The following ENO3 variants were observed in gnomAD, a reference collection of about 807,000 sequenced individuals.
ENO3 encodes enolase 3.
ENO3 carries 46 observed loss-of-function variants against 47.7 expected under a neutral mutation model. That is an observed-to-expected ratio of 0.96 (90% CI 0.76 to 1.23). ENO3 has a LOEUF of 1.23. ENO3 is among the 50% of genes most tolerant of loss of function. The pLI, the probability that ENO3 is intolerant of heterozygous loss-of-function variation, is 0.00. For missense variants in ENO3, 575 were observed against 566.2 expected (o/e 1.02, Z -0.16); for synonymous variants, 223 against 225.9 (o/e 0.99, Z 0.11).
rs1300311970 is a variant in ENO3, at chr17:4,951,812, ACCT to A, written c.-2-12_-2-10del. 11 of 1,613,512 alleles carry A rather than the reference ACCT, an allele frequency of 6.8e-6. No homozygotes were observed. Among genetic ancestry groups the A allele is most frequent in the Non-Finnish European group, 2.5e-6 (3 of 1,179,664 alleles). On this transcript the variant is annotated splice_polypyrimidine_tract_variant and intron_variant, in intron 1 of 11. Coordinates refer to ENST00000519602, the MANE Select transcript of ENO3 (RefSeq NM_053013.4). ...AGATCAACTGTCTACACTCACTCAC[ACCT>A]CCTGTCCTGCAGCCATGGCCATGCA...
Position 4,953,787 on chromosome 17 carries a change from C to T in ENO3, c.386C>T (p.Pro129Leu). The T allele has an allele frequency of 6.2e-7, 1 of 1,614,194 alleles. No individual in the cohort carries two copies. Among genetic ancestry groups the T allele is most frequent in the Non-Finnish European group, 8.5e-7 (1 of 1,180,026 alleles). Residue 129 changes from proline (P) to leucine (L), a missense_variant, in exon 6 of 12, where the codon CCC (proline) becomes CTC (leucine). Pro to Leu is a moderately conservative substitution (Grantham distance 98). Transcript: ENST00000519602. ...CKAGAAEKGV[P>L]LYRHIADLAG... Reference sequence around the variant, plus strand: ...GCGGGAGCAGCTGAGAAGGGGGTCCCCCTGTACCGCCACATCGCAGATCTC... The same window carrying T: ...GCGGGAGCAGCTGAGAAGGGGGTCCTCCTGTACCGCCACATCGCAGATCTC...
chr17:4,952,852 A>G lies in ENO3; in HGVS notation c.143A>G (p.Glu48Gly). 1 of 1,612,656 alleles carries G rather than the reference A, an allele frequency of 6.2e-7. No homozygotes were observed. Among genetic ancestry groups the G allele is most frequent in the South Asian group, 1.1e-5 (1 of 90,756 alleles). Reference sequence around the variant, plus strand: ...TCCACGGGTATCTATGAGGCTCTGGAACTAAGAGACGGAGACAAAGGCCGC... The same window carrying G: ...TCCACGGGTATCTATGAGGCTCTGGGACTAAGAGACGGAGACAAAGGCCGC... ...GASTGIYEAL[E>G]LRDGDKGRYL... The change falls in exon 3 of 12, where the codon GAA (glutamate) becomes GGA (glycine). Residue 48 changes from glutamate to glycine, a missense_variant. Glu to Gly is a moderately conservative substitution (Grantham distance 98). Transcript: ENST00000519602.
chr17:4,953,313 G>A lies in ENO3; in HGVS notation c.282G>A (p.Met94Ile). 6.2e-7 allele frequency: 1 copy of A among 1,614,224 alleles called. No individual in the cohort carries two copies. The highest frequency in any genetic ancestry group is 1.3e-5 in the African/African-American group (1 of 75,062). Residue 94 changes from methionine to isoleucine, a missense_variant, in exon 5 of 12, where the codon ATG (methionine) becomes ATA (isoleucine). Physicochemically the swap from Met to Ile is conservative, Grantham distance 10. Transcript: ENST00000519602. ...VVDQEKVDKFMIELDGTENKS... is the reference protein window; with the variant it reads ...VVDQEKVDKFIIELDGTENKS... Reference sequence around the variant, plus strand: ...ATCAAGAAAAAGTTGACAAATTTATGATTGAGCTAGATGGGACCGAGAATA... The same window carrying A: ...ATCAAGAAAAAGTTGACAAATTTATAATTGAGCTAGATGGGACCGAGAATA...
In ENO3 at chr17:4,956,390, A is replaced by G. The variant is rs111687206; in HGVS notation, c.1068-183A>G. On this transcript the variant is annotated intron_variant, in intron 9 of 11. Coordinates refer to ENST00000519602, the MANE Select transcript of ENO3 (RefSeq NM_053013.4). ...TCCTCTCTCAGATTCCGCTGTTCTC[A>G]GCAGCATCTCAAGAGCCCGAAATCA... 1,692 of 750,788 alleles carry G rather than the reference A, an allele frequency of 2.3e-3. 22 individuals carry two copies. The African/African-American group carries it at 0.026, about 11-fold the overall frequency. The allele number at this position is 750,788 out of a possible 1,614,324, so 46.5% of individuals were successfully genotyped here. A position where few individuals can be genotyped will look rare whatever the true frequency, so the allele number is the denominator to read the frequency against.
At chr17:4,956,341 C>A (rs998673349) in intron 9 of ENO3, 198 bp downstream of exon 9, 4 of 748,960 alleles carry the variant, frequency 5.3e-6, no homozygotes, top group Admixed American at 2.2e-5. Flanking sequence ...TCTGTCATGA[C>A]CCCCCACCCC....
intron 4 of ENO3, 81 bp downstream of exon 4, chr17:4,953,190 T>C (rs1971604225): frequency 1.9e-6 from 3 of 1,613,012 alleles, no homozygotes; most frequent in East Asian, 4.5e-5. Flanking sequence ...CCCGAAACAT[T>C]TTCCCTTATC....
chr17:4,956,760 T>C, intron 10 of ENO3, 71 bp from the exon 11 acceptor site: 9 of 1,613,906 alleles, frequency 5.6e-6, no homozygotes, highest in Non-Finnish European at 7.6e-6. Context: ...AGGTTAATGC[T>C]CCCTTGGGGC....
In ENO3 at chr17:4,955,126, C is replaced by G. The variant is rs1179493512; in HGVS notation, c.496C>G (p.Gln166Glu). 2 of 1,614,064 alleles carry G rather than the reference C, an allele frequency of 1.2e-6. No homozygotes were observed. The highest frequency in any genetic ancestry group is 1.3e-5 in the African/African-American group (1 of 74,934). ...CCATGCTGGAAACAAGCTGGCCATG[C>G]AGGAGTTCATGATTCTGCCTGTGGG... ...GSHAGNKLAM[Q>E]EFMILPVGAS... The change falls in exon 7 of 12, where the codon CAG (glutamine) becomes GAG (glutamate). Residue 166 changes from glutamine to glutamate, a missense_variant. Transcript: ENST00000519602.
rs139079930 is a variant in ENO3 at position 4,955,196 on chromosome 17, A to G, written c.566A>G (p.Tyr189Cys). 8 of 1,614,052 alleles carry G rather than the reference A, an allele frequency of 5.0e-6. No homozygotes were observed. Among genetic ancestry groups the G allele is most frequent in the South Asian group, 1.1e-5 (1 of 91,092 alleles). ...GCCATGCGCATTGGCGCCGAGGTCT[A>G]CCACCACCTCAAGGGGGTCATCAAG... ...KEAMRIGAEV[Y>C]HHLKGVIKAK... Residue 189 changes from tyrosine to cysteine, a missense_variant, in exon 7 of 12, where the codon TAC (tyrosine) becomes TGC (cysteine). Physicochemically the swap from Tyr to Cys is radical, Grantham distance 194. Transcript: ENST00000519602.
Position 4,955,848 on chromosome 17 carries a change from G to T in ENO3, c.866-94G>T, listed in dbSNP as rs928125011. The T allele has an allele frequency of 1.2e-5, 6 of 489,258 alleles. No homozygotes were observed. The East Asian group carries it at 1.9e-4, about 16-fold the overall frequency. The allele number at this position is 489,258 out of a possible 1,614,324, so 30.3% of individuals were successfully genotyped here. A position where few individuals can be genotyped will look rare whatever the true frequency, so the allele number is the denominator to read the frequency against. On this transcript the variant is annotated intron_variant, in intron 8 of 11. Coordinates refer to ENST00000519602, the MANE Select transcript of ENO3 (RefSeq NM_053013.4). Reference sequence around the variant, plus strand: ...TCTGCTCTGTCTCTGCCCTGTCTCTGCCCTGTCTCTGCCCTGTCTCTGCTC... The same window carrying T: ...TCTGCTCTGTCTCTGCCCTGTCTCTTCCCTGTCTCTGCCCTGTCTCTGCTC...
At position 4,957,028 on chromosome 17, in the gene ENO3, G is replaced by A. The variant is rs751330459; in HGVS notation, c.1286G>A (p.Arg429His). The part of the protein sequence containing the change: ...DKAIFAGRKF[R>H]NPKAK ...GCAATCTTTGCTGGACGCAAGTTCC[G>A]TAACCCGAAGGCCAAGTGAGAAGCT... The change falls in exon 12 of 12, where the codon CGT becomes CAT. Residue 429 changes from arginine to histidine, a missense_variant. Transcript: ENST00000519602. The A allele has an allele frequency of 1.4e-5, 23 of 1,614,174 alleles. No homozygotes were observed. Among genetic ancestry groups the A allele is most frequent in the African/African-American group, 2.7e-5 (2 of 75,034 alleles).
intron 9 of ENO3, 66 bp from the exon 10 acceptor site, chr17:4,956,507 C>A: frequency 6.5e-7 from 1 of 1,528,344 alleles, no homozygotes; most frequent in Non-Finnish European, 9.1e-7. Flanking sequence ...GGAGAGGCCC[C>A]ACCCAACCCC....
intron 8 of ENO3, 162 bp downstream of exon 8, chr17:4,955,766 C>T (rs1971704583): frequency 1.5e-6 from 2 of 1,299,054 alleles, no homozygotes; most frequent in Non-Finnish European, 2.2e-6. Flanking sequence ...CTCCATGAGG[C>T]TCCTTCTGAC....
upstream of ENO3, chr17:4,948,927 ACTC>A (rs1971466208): frequency 1.3e-5 from 2 of 151,510 alleles, no homozygotes; most frequent in Non-Finnish European, 2.9e-5. Flanking sequence ...AAACGGGATG[ACTC>A]CTCCTTCCCC....
upstream of ENO3, chr17:4,948,785 T>G (rs1971463918): frequency 2.3e-5 from 5 of 216,854 alleles, no homozygotes; most frequent in East Asian, 1.4e-4. Context: ...TTGCTCCAAT[T>G]TGCACTGAAT....
chr17:4,951,677 C>A, intron 1 of ENO3, 151 bp from the exon 2 acceptor site: 2 of 795,228 alleles, frequency 2.5e-6, no homozygotes, highest in Admixed American at 2.0e-5. Flanking sequence ...GAGGGGGCTG[C>A]GCCTGCCTCT....
rs1490782836 is a variant in ENO3 at position 4,953,805 on chromosome 17, C to T, written c.404C>T (p.Ala135Val). 1.9e-6 allele frequency: 3 copies of T among 1,614,096 alleles called. No individual in the cohort carries two copies. Among genetic ancestry groups the T allele is most frequent in the Non-Finnish European group, 2.5e-6 (3 of 1,180,048 alleles). ...GGGGTCCCCCTGTACCGCCACATCGCAGATCTCGCTGGGAACCCTGACCTC... is the reference window on the plus strand; with the variant it reads ...GGGGTCCCCCTGTACCGCCACATCGTAGATCTCGCTGGGAACCCTGACCTC... ...EKGVPLYRHI[A>V]DLAGNPDLIL... Residue 135 changes from alanine (A) to valine (V), a missense_variant, in exon 6 of 12, where the codon GCA becomes GTA. By Grantham distance (64) the Ala-to-Val change is moderately conservative. Coordinates refer to ENST00000519602, the MANE Select transcript of ENO3 (RefSeq NM_053013.4).
intron 6 of ENO3, chr17:4,954,129 C>G (rs1462727990): frequency 1.9e-6 from 1 of 530,932 alleles, no homozygotes; most frequent in Non-Finnish European, 3.4e-6. Flanking sequence ...CACCCTACAC[C>G]CAAATCATAT....
upstream of ENO3, chr17:4,950,200 C>G (rs1233560692): frequency 6.6e-6 from 1 of 152,210 alleles, no homozygotes; most frequent in East Asian, 1.9e-4. Context: ...GCTGGTATGG[C>G]TGCAGAGGAG....
Sources: allele counts gnomAD v4.1 joint callset, GRCh38; gene constraint gnomAD v4.1.1; transcripts MANE v1.5; gene names NCBI Gene and HGNC (gene_info 2026-07-23, HGNC 2026-07-21).